Variants in EDA observed in about 807,000 individuals in gnomAD.
EDA encodes the protein ectodysplasin A.
Under a neutral mutation model 23.6 loss-of-function variants are expected in EDA, and 2 were observed. That is an observed-to-expected ratio of 0.08 (90% confidence interval 0.03 to 0.27). The LOEUF is 0.27. EDA is among the 10% of genes least tolerant of loss of function. The pLI, the probability that EDA is intolerant of heterozygous loss-of-function variation, is 1.00. For missense variants in EDA, 229 were observed against 324.2 expected (o/e 0.71, Z 2.26); for synonymous variants, 131 against 132.0 (o/e 0.99, Z 0.05).
intron 1 of EDA, among the ~76,000 whole-genome samples, chrX:69,751,749 G>GT (rs1173549136): frequency 9.0e-6 from 1 of 111,330 alleles, no homozygotes; most frequent in Admixed American, 9.5e-5. Context: ...CACATCCCTT[G>GT]TAAGTCGGAT....
At chrX:69,878,096 A>G (rs1212483732) in intron 1 of EDA, among the ~76,000 whole-genome samples, 1 of 111,935 alleles carries the variant, frequency 8.9e-6, no homozygotes, top group Non-Finnish European at 1.9e-5. Flanking sequence ...TTTTTTTTGA[A>G]AAGATACAGT....
chrX:69,824,141 A>C (rs1331477344), intron 1 of EDA, among the ~76,000 whole-genome samples: 1 of 108,489 alleles, frequency 9.2e-6, no homozygotes, highest in African/African-American at 3.4e-5. Context: ...TGATGCCTCC[A>C]GCTTTGTTCT....
intron 1 of EDA, among the ~76,000 whole-genome samples, chrX:69,898,609 A>G (rs1380394651): frequency 1.8e-5 from 2 of 111,951 alleles, no homozygotes; most frequent in Non-Finnish European, 3.8e-5. Flanking sequence ...ATTCATTTGA[A>G]TAGAAAGTTC....
chrX:69,951,947 G>A (rs2018933873), intron 1 of EDA, among the ~76,000 whole-genome samples: 1 of 112,125 alleles, frequency 8.9e-6, no homozygotes, highest in South Asian at 3.7e-4. Context: ...CAATAGGAAA[G>A]CAATATTCTA....
chrX:70,004,860 G>A (rs759794412), intron 2 of EDA, among the ~76,000 whole-genome samples: 20 of 112,250 alleles, frequency 1.8e-4, no homozygotes, highest in Admixed American at 6.6e-4. Flanking sequence ...AGAGGCCAAC[G>A]AAGGAGGATT....
chrX:69,830,936 G>A (rs1458526832), intron 1 of EDA, among the ~76,000 whole-genome samples: 1 of 111,261 alleles, frequency 9.0e-6, no homozygotes, highest in African/African-American at 3.3e-5. Context: ...AAGAAGTTTG[G>A]GGTATACCAC....
chrX:69,726,749 T>G (rs2012819506), intron 1 of EDA, among the ~76,000 whole-genome samples: 3 of 112,118 alleles, frequency 2.7e-5, no homozygotes, highest in African/African-American at 9.7e-5. Context: ...CTGACTCCCT[T>G]GCAGGACTTG....
chrX:69,836,110 A>G (rs2016767325), intron 1 of EDA, among the ~76,000 whole-genome samples: 1 of 111,939 alleles, frequency 8.9e-6, no homozygotes, highest in Non-Finnish European at 1.9e-5. Flanking sequence ...TGGAAGCTTC[A>G]TCCCAGACGG....
chrX:69,799,461 C>T (rs2015622710), intron 1 of EDA, among the ~76,000 whole-genome samples: 1 of 109,452 alleles, frequency 9.1e-6, no homozygotes. Context: ...GTCAATCTGA[C>T]AATGGATTAA....
chrX:69,686,078 G>A (rs1303312364), intron 1 of EDA, among the ~76,000 whole-genome samples: 1 of 111,817 alleles, frequency 8.9e-6, no homozygotes, highest in African/African-American at 3.3e-5. Flanking sequence ...GCACGAACTC[G>A]GCTCACTGCA....
chrX:69,679,837 T>C (rs1934264195), intron 1 of EDA, among the ~76,000 whole-genome samples: 1 of 109,024 alleles, frequency 9.2e-6, no homozygotes, highest in Admixed American at 9.9e-5. Flanking sequence ...CTGCTCTGAT[T>C]TTAGTTATTT....
chrX:69,905,329 A>G (rs778040391), intron 1 of EDA, among the ~76,000 whole-genome samples: 41 of 112,046 alleles, frequency 3.7e-4, no homozygotes, highest in African/African-American at 1.3e-3. Flanking sequence ...TATCTCCTCA[A>G]CACTGGGAAT....
At position 69,961,031 on chromosome X, in the gene EDA, A is replaced by AAAAG. The variant is rs775572359; in HGVS notation, c.502+3919_502+3922dup. Among the ~76,000 whole-genome samples the AAAAG allele has an allele frequency of 6.0e-3, 619 of 103,704 alleles. 2 individuals are homozygous for AAAAG. The highest frequency in any genetic ancestry group is 0.019 in the African/African-American group (564 of 29,103). 90.1% of individuals were successfully genotyped at this position (103,704 alleles called of 115,157 possible). Reference sequence around the variant, plus strand: ...GAAACTCCATCCAAAAAAAGAAAAAAAAAGAAAGAAAGAAAGAAAGAAAAA... The same window carrying AAAAG: ...GAAACTCCATCCAAAAAAAGAAAAAAAAAGAAAGAAAGAAAGAAAGAAAGAAAAA... On this transcript the variant is annotated intron_variant, in intron 2 of 7. Transcript: ENST00000374552.
intron 1 of EDA, among the ~76,000 whole-genome samples, chrX:69,876,471 G>A (rs889969055): frequency 4.5e-5 from 5 of 110,712 alleles, no homozygotes; most frequent in African/African-American, 1.3e-4. Context: ...AATAAGAAAT[G>A]TTTAAAAATT....
At chrX:69,864,913 C>A in intron 1 of EDA, among the ~76,000 whole-genome samples, 1 of 111,193 alleles carries the variant, frequency 9.0e-6, no homozygotes, top group South Asian at 3.8e-4. Flanking sequence ...ACTGCTTGAA[C>A]CTGGGAGGTG....
chrX:69,622,676 G>C (rs1479126486), intron 1 of EDA, among the ~76,000 whole-genome samples: 1 of 111,598 alleles, frequency 9.0e-6, no homozygotes, highest in Non-Finnish European at 1.9e-5. Flanking sequence ...GGTATCCTTT[G>C]ATGAACAGAA....
chrX:69,850,336 A>G (rs2017100239), intron 1 of EDA, among the ~76,000 whole-genome samples: 1 of 112,199 alleles, frequency 8.9e-6, no homozygotes, highest in South Asian at 3.7e-4. Flanking sequence ...TTGCCCTTTT[A>G]CAAGGTCTGA....
At chrX:69,782,804 G>C (rs887933399) in intron 1 of EDA, among the ~76,000 whole-genome samples, 2 of 111,732 alleles carry the variant, frequency 1.8e-5, no homozygotes, top group African/African-American at 6.5e-5. Context: ...AATATAACTT[G>C]ACTGAGCTCT....
rs780960531 is a variant in EDA at position 69,880,143 on chromosome X, C to T, written c.397-76884C>T. On this transcript the variant is annotated intron_variant, in intron 1 of 7. Transcript: ENST00000374552. ...AACGAACATGGGTTCAGAGGAGTTTCTAAATGGAAAGAGATTAATCTGTAG... is the reference window on the plus strand; with the variant it reads ...AACGAACATGGGTTCAGAGGAGTTTTTAAATGGAAAGAGATTAATCTGTAG... 1.6e-4 allele frequency among the ~76,000 whole-genome samples: 18 copies of T among 111,645 alleles called. No individual in the cohort carries two copies. The South Asian group carries it at 6.8e-3, about 42-fold the overall frequency.
Sources: allele counts gnomAD v4.1 joint callset (sites outside exome capture counted in the v4.1 genomes callset), GRCh38; gene constraint gnomAD v4.1.1; transcripts MANE v1.5; gene names NCBI Gene and HGNC (gene_info 2026-07-23, HGNC 2026-07-21).